ARHGAP10: variants seen among roughly 807,000 people sequenced by gnomAD.
ARHGAP10 encodes the protein rho GTPase-activating protein 10.
Under a neutral mutation model 108.6 loss-of-function variants are expected in ARHGAP10, and 87 were observed. That is an observed-to-expected ratio of 0.80 (90% CI 0.67 to 0.96). ARHGAP10 has a LOEUF of 0.96. Among genes scored for constraint, ARHGAP10 ranks in the 40% least tolerant of loss-of-function variants. The pLI, the probability that ARHGAP10 is intolerant of heterozygous loss-of-function variation, is 0.00. For missense variants in ARHGAP10, 939 were observed against 954.5 expected (o/e 0.98, Z 0.21); for synonymous variants, 347 against 341.1 (o/e 1.02, Z -0.19).
chr4:147,801,242 T>C (rs949876617), intron 1 of ARHGAP10, among the ~76,000 whole-genome samples: 1 of 152,188 alleles, frequency 6.6e-6, no homozygotes, highest in Non-Finnish European at 1.5e-5. Flanking sequence ...ACCAGTTAGG[T>C]TAAATGACTG....
chr4:147,751,795 C>T (rs973749128), intron 1 of ARHGAP10, among the ~76,000 whole-genome samples: 4 of 151,768 alleles, frequency 2.6e-5, no homozygotes, highest in East Asian at 1.9e-4. Context: ...AATTTAAGAA[C>T]GTGGGTTTAG....
intron 7 of ARHGAP10, among the ~76,000 whole-genome samples, chr4:147,873,639 C>G (rs987837639): frequency 6.8e-6 from 1 of 147,636 alleles, no homozygotes; most frequent in African/African-American, 2.5e-5. Context: ...CAGCCTGGGC[C>G]CCATAATGAG....
intron 18 of ARHGAP10, among the ~76,000 whole-genome samples, chr4:147,981,620 C>T (rs1239854026): frequency 6.6e-6 from 1 of 152,180 alleles, no homozygotes; most frequent in Admixed American, 6.5e-5. Flanking sequence ...TCATTTTCTG[C>T]CTCTGTGATG....
chr4:147,784,668 T>TAAAA (rs1560756424), intron 1 of ARHGAP10, among the ~76,000 whole-genome samples: 27 of 1,938 alleles, frequency 0.014, no homozygotes, highest in African/African-American at 0.027. Context: ...AAAATATATA[T>TAAAA]TATATATTAT....
chr4:147,845,723 G>T (rs140467446), intron 3 of ARHGAP10, among the ~76,000 whole-genome samples: 4 of 152,318 alleles, frequency 2.6e-5, no homozygotes, highest in African/African-American at 9.6e-5. Flanking sequence ...GGTAGATCCA[G>T]ATGTGGGAGC....
chr4:147,871,668 G>A (rs1024054847), intron 7 of ARHGAP10, among the ~76,000 whole-genome samples: 5 of 152,180 alleles, frequency 3.3e-5, no homozygotes, highest in East Asian at 1.9e-4. Flanking sequence ...CTATTGTAAC[G>A]TTTGGGGTCT....
At chr4:147,774,659 G>A (rs185407445) in intron 1 of ARHGAP10, among the ~76,000 whole-genome samples, 230 of 152,236 alleles carry the variant, frequency 1.5e-3, no homozygotes, top group African/African-American at 4.0e-3. Context: ...AGCTTCTTGT[G>A]TGTTGTGGAA....
At chr4:147,954,946 A>G (rs1455915678) in intron 15 of ARHGAP10, among the ~76,000 whole-genome samples, 1 of 152,032 alleles carries the variant, frequency 6.6e-6, no homozygotes, top group Non-Finnish European at 1.5e-5. Flanking sequence ...TTAGAGATGA[A>G]GTTTCAAAAT....
At chr4:147,797,392 G>A (rs1731358891) in intron 1 of ARHGAP10, among the ~76,000 whole-genome samples, 1 of 151,792 alleles carries the variant, frequency 6.6e-6, no homozygotes, top group Admixed American at 6.6e-5. Context: ...TTTTTCTCAT[G>A]GTCCAACGTA....
intron 3 of ARHGAP10, among the ~76,000 whole-genome samples, chr4:147,825,166 G>A (rs1344806078): frequency 1.1e-5 from 1 of 92,368 alleles, no homozygotes; most frequent in Non-Finnish European, 2.1e-5. Context: ...AGTGACAGAG[G>A]GCTGGGCGCA....
intron 1 of ARHGAP10, among the ~76,000 whole-genome samples, chr4:147,784,321 A>G (rs1730711797): frequency 7.3e-6 from 1 of 136,498 alleles, no homozygotes; most frequent in Non-Finnish European, 1.5e-5. Flanking sequence ...TTTATATTAC[A>G]TAATTTACAT....
At chr4:147,992,064 A>G (rs1740297843) in intron 18 of ARHGAP10, among the ~76,000 whole-genome samples, 1 of 152,214 alleles carries the variant, frequency 6.6e-6, no homozygotes, top group Non-Finnish European at 1.5e-5. Context: ...CAAGCCATGC[A>G]GTCTTATGTC....
At chr4:148,038,634 G>A (rs1201742670) in intron 19 of ARHGAP10, among the ~76,000 whole-genome samples, 1 of 152,168 alleles carries the variant, frequency 6.6e-6, no homozygotes, top group South Asian at 2.1e-4. Context: ...TTTGGGCAGA[G>A]AAGCCACTGA....
chr4:147,981,636 A>G (rs930697945), intron 18 of ARHGAP10, among the ~76,000 whole-genome samples: 1 of 152,192 alleles, frequency 6.6e-6, no homozygotes, highest in Non-Finnish European at 1.5e-5. Flanking sequence ...TGATGTGTCT[A>G]ATGCCATCAG....
In ARHGAP10 at chr4:148,052,392, C is replaced by CTTTTTTTT. The variant is rs35449374; in HGVS notation, c.2027+5354_2027+5361dup. Among the ~76,000 whole-genome samples, 6 of 90,712 alleles carry CTTTTTTTT rather than the reference C, an allele frequency of 6.6e-5. 1 individual carries two copies. The highest frequency in any genetic ancestry group is 1.3e-4 in the African/African-American group (3 of 22,522). The allele number at this position is 90,712 out of a possible 152,430, so 59.5% of individuals were successfully genotyped here. On this transcript the variant is annotated intron_variant, in intron 20 of 22. Coordinates refer to ENST00000336498, the MANE Select transcript of ARHGAP10 (RefSeq NM_024605.4). ...TTAAAAGTGTTTTTTTGCACATTTG[C>CTTTTTTTT]TTTTTTTTTTTTTTTTTTTTGGGCT... is the stretch of plus-strand genomic sequence containing the variant.
At chr4:147,938,813 A>T (rs1391070059) in intron 13 of ARHGAP10, among the ~76,000 whole-genome samples, 1 of 152,198 alleles carries the variant, frequency 6.6e-6, no homozygotes, top group Non-Finnish European at 1.5e-5. Flanking sequence ...TAGCGGAGAA[A>T]ATAAACACAC....
At chr4:147,775,357 C>T (rs1363990902) in intron 1 of ARHGAP10, among the ~76,000 whole-genome samples, 1 of 152,174 alleles carries the variant, frequency 6.6e-6, no homozygotes, top group African/African-American at 2.4e-5. Context: ...TAGGCTGAGG[C>T]TAATGGAGGT....
At chr4:148,049,145 TATA>T (rs1292239382) in intron 20 of ARHGAP10, among the ~76,000 whole-genome samples, 2 of 152,142 alleles carry the variant, frequency 1.3e-5, no homozygotes, top group Non-Finnish European at 2.9e-5. Context: ...AGGAAGTTTG[TATA>T]TAGATGAGTG....
At chr4:147,871,153 T>A (rs1734809511) in intron 7 of ARHGAP10, among the ~76,000 whole-genome samples, 1 of 151,902 alleles carries the variant, frequency 6.6e-6, no homozygotes, top group South Asian at 2.1e-4. Flanking sequence ...AGAGACGGGG[T>A]TTCACCGTGT....
Sources: allele counts gnomAD v4.1 joint callset (sites outside exome capture counted in the v4.1 genomes callset), GRCh38; gene constraint gnomAD v4.1.1; transcripts MANE v1.5; gene names NCBI Gene and HGNC (gene_info 2026-07-23, HGNC 2026-07-21).